The following TBC1D32 variants were observed in gnomAD, a reference collection of about 807,000 sequenced individuals.
TBC1D32 encodes protein broad-minded.
In TBC1D32, 151 loss-of-function variants were observed where a neutral mutation model predicts 170.3. The ratio of observed to expected loss-of-function variants is 0.89; its 90% CI spans 0.78 to 1.01. TBC1D32 has a LOEUF of 1.01. TBC1D32 is among the 50% of genes least tolerant of loss of function. The probability of loss-of-function intolerance (pLI) is 0.00; values close to 1 mark genes in which losing one functional copy is unlikely to be tolerated. For missense variants in TBC1D32, 1,464 were observed against 1,457.1 expected, an observed-to-expected ratio of 1.00 and a Z score of -0.08; for synonymous variants, 498 against 488.0, an observed-to-expected ratio of 1.02 and a Z score of -0.27.
chr6:121,096,615 T>C (rs561265132), intron 30 of TBC1D32, among the ~76,000 whole-genome samples: 2 of 152,234 alleles, frequency 1.3e-5, no homozygotes, highest in East Asian at 1.9e-4. Context: ...AAAATGGCCA[T>C]ACTGCCCAAA....
intron 1 of TBC1D32, among the ~76,000 whole-genome samples, chr6:121,325,211 C>G (rs895974268): frequency 1.5e-5 from 1 of 67,942 alleles, no homozygotes; most frequent in African/African-American, 4.7e-5. Context: ...GACTCCATCT[C>G]AAAAAAAAAA....
At chr6:121,085,277 GTATA>G (rs1319946064) in intron 31 of TBC1D32, among the ~76,000 whole-genome samples, 1 of 94,874 alleles carries the variant, frequency 1.1e-5, no homozygotes, top group African/African-American at 9.4e-5. Flanking sequence ...ACATATATAC[GTATA>G]TATATACATA....
At chr6:121,145,456 T>TG (rs1215329064) in intron 24 of TBC1D32, among the ~76,000 whole-genome samples, 1 of 151,874 alleles carries the variant, frequency 6.6e-6, no homozygotes, top group Non-Finnish European at 1.5e-5. Flanking sequence ...TACCAGAAGC[T>TG]GGAGGGCAGG....
At chr6:121,096,187 C>T (rs1777384764) in intron 30 of TBC1D32, 2 of 152,012 alleles carry the variant, frequency 1.3e-5, no homozygotes, top group South Asian at 4.1e-4. Flanking sequence ...AGGAATTTAT[C>T]CATTTCTTCT....
chr6:121,187,831 C>G (rs1174829300), intron 22 of TBC1D32, among the ~76,000 whole-genome samples: 1 of 151,006 alleles, frequency 6.6e-6, no homozygotes, highest in Non-Finnish European at 1.5e-5. Context: ...AATAGATTAT[C>G]TGATGCCCTT....
chr6:121,334,454 C>G lies in TBC1D32; in HGVS notation c.-24G>C, dbSNP rs1811620575. 1 of 1,606,036 alleles carries G rather than the reference C, an allele frequency of 6.2e-7. No individual in the cohort carries two copies. ...ATCCTGTTGGAATCAAACGTCCACT[C>G]TCATTACTCCAGGTCCGAGCAAAAG... On this transcript the variant is annotated 5_prime_UTR_variant, in exon 1 of 32. Coordinates refer to ENST00000398212, the MANE Select transcript of TBC1D32 (RefSeq NM_152730.6).
At chr6:121,102,896 A>G (rs1256867732) in intron 30 of TBC1D32, among the ~76,000 whole-genome samples, 1 of 152,220 alleles carries the variant, frequency 6.6e-6, no homozygotes, top group Non-Finnish European at 1.5e-5. Context: ...CTTACAAGAA[A>G]AGAACAAATA....
chr6:121,248,185 T>A (rs1050216729), intron 17 of TBC1D32, among the ~76,000 whole-genome samples: 1 of 151,930 alleles, frequency 6.6e-6, no homozygotes, highest in East Asian at 1.9e-4. Flanking sequence ...ACTATACAAA[T>A]ACATGGAAAT....
At chr6:121,239,801 A>C (rs759837306) in intron 19 of TBC1D32, among the ~76,000 whole-genome samples, 7 of 152,192 alleles carry the variant, frequency 4.6e-5, no homozygotes, top group Non-Finnish European at 1.0e-4. Flanking sequence ...TTAGTCTATT[A>C]AAAAATCAAG....
chr6:121,212,837 A>G (rs1004045417), intron 21 of TBC1D32, among the ~76,000 whole-genome samples: 4 of 152,202 alleles, frequency 2.6e-5, no homozygotes, highest in Admixed American at 6.5e-5. Flanking sequence ...CAGCACATCA[A>G]AAAACTAATC....
chr6:121,225,780 C>T (rs1413205090), intron 20 of TBC1D32, among the ~76,000 whole-genome samples: 10 of 151,968 alleles, frequency 6.6e-5, no homozygotes, highest in South Asian at 4.2e-4. Flanking sequence ...TCTCACACAT[C>T]GGGCATTTTA....
intron 22 of TBC1D32, among the ~76,000 whole-genome samples, chr6:121,173,376 CT>C (rs1787333251): frequency 6.6e-6 from 1 of 152,068 alleles, no homozygotes; most frequent in African/African-American, 2.4e-5. Flanking sequence ...GTCAATACTC[CT>C]TAATGAACTC....
chr6:121,321,987 C>G (rs1809800303), intron 1 of TBC1D32, among the ~76,000 whole-genome samples, 193 bp from the exon 2 acceptor site: 1 of 151,726 alleles, frequency 6.6e-6, no homozygotes, highest in Non-Finnish European at 1.5e-5. Flanking sequence ...CAAAAATCAT[C>G]ATTTAAAGAT....
At chr6:121,218,857 C>T (rs1043871119) in intron 21 of TBC1D32, among the ~76,000 whole-genome samples, 3 of 152,076 alleles carry the variant, frequency 2.0e-5, no homozygotes, top group African/African-American at 7.2e-5. Context: ...TCCCCCTTTG[C>T]TCAGCACTTC....
chr6:121,095,674 G>A (rs1241773496), intron 30 of TBC1D32, among the ~76,000 whole-genome samples: 1 of 152,112 alleles, frequency 6.6e-6, no homozygotes, highest in Non-Finnish European at 1.5e-5. Context: ...GGCTTTTACT[G>A]CACCTATTGA....
chr6:121,081,828 C>T (rs1310818986), intron 31 of TBC1D32, among the ~76,000 whole-genome samples: 2 of 151,946 alleles, frequency 1.3e-5, no homozygotes, highest in East Asian at 3.9e-4. Context: ...GGTTAGTAAC[C>T]ATTCACAGCT....
intron 21 of TBC1D32, among the ~76,000 whole-genome samples, chr6:121,222,085 CAAT>C (rs1436249794): frequency 6.6e-6 from 1 of 152,178 alleles, no homozygotes; most frequent in East Asian, 1.9e-4. Flanking sequence ...CTGCCATCGA[CAAT>C]GAGGTAAGAC....
intron 15 of TBC1D32, among the ~76,000 whole-genome samples, chr6:121,272,809 C>T (rs185210203): frequency 8.5e-5 from 13 of 152,276 alleles, no homozygotes; most frequent in East Asian, 5.8e-4. Context: ...CACATGCACA[C>T]GTATGTTTAC....
chr6:121,194,569 T>C (rs1790485973), intron 22 of TBC1D32, among the ~76,000 whole-genome samples: 1 of 152,202 alleles, frequency 6.6e-6, no homozygotes, highest in Admixed American at 6.5e-5. Context: ...CTGCAGCTGC[T>C]GTACTAGATG....
Sources: allele counts gnomAD v4.1 joint callset (sites outside exome capture counted in the v4.1 genomes callset), GRCh38; gene constraint gnomAD v4.1.1; transcripts MANE v1.5; gene names NCBI Gene and HGNC (gene_info 2026-07-23, HGNC 2026-07-21).